KRCC1: variants seen among roughly 807,000 people sequenced by gnomAD.
KRCC1 encodes lysine rich coiled-coil 1, also known as lysine-rich coiled-coil protein 1.
In KRCC1, 3 loss-of-function variants were observed where a neutral mutation model predicts 7.4. That is an observed-to-expected ratio of 0.40 (90% CI 0.18 to 1.04). The LOEUF is 1.04. KRCC1 is among the 50% of genes least tolerant of loss of function. The pLI is 0.33. For missense variants in KRCC1, 277 were observed against 300.9 expected, an observed-to-expected ratio of 0.92 and a Z score of 0.59; for synonymous variants, 102 against 101.6, an observed-to-expected ratio of 1.00 and a Z score of -0.02.
At position 88,027,897 on chromosome 2, in the gene KRCC1, G is replaced by T. The variant is rs563199788; in HGVS notation, c.667C>A (p.Arg223=). ...KLKNRKEKKS[R]DVVSKKEERK... ...TCCTCTTTCTTAGAGACTACATCTCGGCTTTTTTTCTCCTTTCGATTCTTA... is the reference window on the plus strand; with the variant it reads ...TCCTCTTTCTTAGAGACTACATCTCTGCTTTTTTTCTCCTTTCGATTCTTA... The change falls in exon 4 of 4, where the codon CGA becomes AGA. Residue 223 remains arginine (R), a synonymous_variant. Coordinates refer to ENST00000347055, the MANE Select transcript of KRCC1 (RefSeq NM_016618.3). 6.2e-7 allele frequency: 1 copy of T among 1,613,576 alleles called. No homozygotes were observed. Among genetic ancestry groups the T allele is most frequent in the African/African-American group, 1.3e-5 (1 of 74,814 alleles).
chr2:88,034,009 G>A (rs1347763483), intron 3 of KRCC1, 125 bp downstream of exon 3: 1 of 152,600 alleles, frequency 6.6e-6, no homozygotes, highest in Non-Finnish European at 1.5e-5. Context: ...AAAAAGGAAT[G>A]AAGTACTGAT....
chr2:88,044,040 T>A (rs1315018537), intron 1 of KRCC1, among the ~76,000 whole-genome samples: 1 of 152,156 alleles, frequency 6.6e-6, no homozygotes, highest in Non-Finnish European at 1.5e-5. Context: ...CTATATCTTA[T>A]AGAAGAGGAA....
In KRCC1 at chr2:88,055,667, C is replaced by T. The variant is rs1673607056; in HGVS notation, c.-332G>A. 1 of 152,412 alleles carries T rather than the reference C, an allele frequency of 6.6e-6. No homozygotes were observed. Among genetic ancestry groups the T allele is most frequent in the Non-Finnish European group, 1.5e-5 (1 of 68,262 alleles). 9.4% of individuals were successfully genotyped at this position (152,412 alleles called of 1,614,324 possible). Reference sequence around the variant, plus strand: ...GCGGGCGTCTACAACTACTGTCCCCCGCCCCGCCAACGCCGCCAGCCAGGG... The same window carrying T: ...GCGGGCGTCTACAACTACTGTCCCCTGCCCCGCCAACGCCGCCAGCCAGGG... On this transcript the variant is annotated 5_prime_UTR_variant, in exon 1 of 4. Coordinates refer to ENST00000347055, the MANE Select transcript of KRCC1 (RefSeq NM_016618.3).
chr2:88,052,911 A>C (rs1573089009), intron 1 of KRCC1, among the ~76,000 whole-genome samples: 2 of 152,238 alleles, frequency 1.3e-5, no homozygotes, highest in African/African-American at 4.8e-5. Flanking sequence ...ATTTTAAAGA[A>C]GTAAAAAAAG....
At chr2:88,047,976 T>C (rs1035347064) in intron 1 of KRCC1, among the ~76,000 whole-genome samples, 1 of 152,210 alleles carries the variant, frequency 6.6e-6, no homozygotes, top group South Asian at 2.1e-4. Context: ...ATTACTGACA[T>C]GGTCCTAGAC....
intron 3 of KRCC1, among the ~76,000 whole-genome samples, chr2:88,032,058 C>T (rs1226678896): frequency 2.6e-5 from 4 of 151,998 alleles, no homozygotes. Flanking sequence ...AGGAGAATTG[C>T]TTGAACCTGG....
chr2:88,045,508 G>C lies in KRCC1; in HGVS notation c.-290-8457C>G, dbSNP rs74926842. On this transcript the variant is annotated intron_variant, in intron 1 of 3. Coordinates refer to ENST00000347055, the MANE Select transcript of KRCC1 (RefSeq NM_016618.3). ...ATGATTCTATTTATAAAAAGTTCTAGAAATGCAAACTAATCTCTAGTAATA... is the reference window on the plus strand; with the variant it reads ...ATGATTCTATTTATAAAAAGTTCTACAAATGCAAACTAATCTCTAGTAATA... 9.0e-3 allele frequency among the ~76,000 whole-genome samples: 1,363 copies of C among 152,230 alleles called. 27 individuals carry two copies. Among genetic ancestry groups the C allele is most frequent in the East Asian group, 0.085 (442 of 5,184 alleles).
At chr2:88,039,756 AC>A (rs1374873616) in intron 1 of KRCC1, among the ~76,000 whole-genome samples, 18 of 152,180 alleles carry the variant, frequency 1.2e-4, no homozygotes, top group Non-Finnish European at 2.4e-4. Flanking sequence ...GGACTTAATT[AC>A]ATTTGACTCT....
chr2:88,036,464 G>A (rs1012883275), intron 2 of KRCC1, among the ~76,000 whole-genome samples: 2 of 145,446 alleles, frequency 1.4e-5, no homozygotes, highest in African/African-American at 4.9e-5. Context: ...TATAAACTAA[G>A]GAAGTACAAT....
chr2:88,032,746 T>C (rs1013008593), intron 3 of KRCC1, among the ~76,000 whole-genome samples: 2 of 152,246 alleles, frequency 1.3e-5, no homozygotes, highest in Non-Finnish European at 2.9e-5. Context: ...ATCATATTGA[T>C]ACACATGACG....
intron 3 of KRCC1, among the ~76,000 whole-genome samples, chr2:88,030,247 T>G (rs1558830268): frequency 6.7e-6 from 1 of 148,758 alleles, no homozygotes; most frequent in Non-Finnish European, 1.5e-5. Flanking sequence ...GAAACAAGGC[T>G]TGTTTCTGCT....
chr2:88,027,985 C>T lies in KRCC1; in HGVS notation c.579G>A (p.Lys193=), dbSNP rs1487781284. 1.2e-6 allele frequency: 2 copies of T among 1,613,744 alleles called. No individual in the cohort carries two copies. The highest frequency in any genetic ancestry group is 1.7e-6 in the Non-Finnish European group (2 of 1,179,972). The change falls in exon 4 of 4, where the codon AAG becomes AAA. Residue 193 remains lysine (K), a synonymous_variant. Transcript: ENST00000347055. ...SCEEIDLDKH[K]SIQRKKTEVE... ...CCTCTGTTTTCTTTCTTTGGATGCT[C>T]TTGTGTTTGTCTAAGTCAATTTCCT...
At chr2:88,052,543 T>G (rs1673515548) in intron 1 of KRCC1, among the ~76,000 whole-genome samples, 1 of 106,022 alleles carries the variant, frequency 9.4e-6, no homozygotes, top group African/African-American at 2.8e-5. Flanking sequence ...CCATTATAGT[T>G]TAATTTCTTG....
chr2:88,055,327 C>G (rs374452424), intron 1 of KRCC1, among the ~76,000 whole-genome samples: 1 of 151,838 alleles, frequency 6.6e-6, no homozygotes, highest in Non-Finnish European at 1.5e-5. Flanking sequence ...CCTGACGCTC[C>G]GGGTCTAGAT....
At chr2:88,033,047 GGA>G (rs1365897214) in intron 3 of KRCC1, among the ~76,000 whole-genome samples, 1 of 152,190 alleles carries the variant, frequency 6.6e-6, no homozygotes, top group Non-Finnish European at 1.5e-5. Flanking sequence ...GGTTGCTTGG[GGA>G]GAGAGGTGGG....
chr2:88,037,055 T>C lies in KRCC1; in HGVS notation c.-290-4A>G, dbSNP rs1673105772. ...CTTTGTTCATTCAATGTGGTATCTA[T>C]CAATAAAAGAGAGGTAAGACAGAAG... On this transcript the variant is annotated splice_region_variant and splice_polypyrimidine_tract_variant and intron_variant, in intron 1 of 3. Coordinates refer to ENST00000347055, the MANE Select transcript of KRCC1 (RefSeq NM_016618.3). 6.6e-6 allele frequency: 1 copy of C among 152,184 alleles called. No homozygotes were observed. Among genetic ancestry groups the C allele is most frequent in the Admixed American group, 6.5e-5 (1 of 15,282 alleles). 9.4% of individuals were successfully genotyped at this position (152,184 alleles called of 1,614,324 possible).
intron 1 of KRCC1, among the ~76,000 whole-genome samples, chr2:88,052,467 G>T (rs1227409466): frequency 2.6e-5 from 4 of 152,176 alleles, no homozygotes; most frequent in African/African-American, 9.7e-5. Flanking sequence ...ATCTGCATTT[G>T]TGAAAGATAA....
intron 1 of KRCC1, among the ~76,000 whole-genome samples, chr2:88,038,378 G>A (rs1673137665): frequency 6.6e-6 from 1 of 152,314 alleles, no homozygotes; most frequent in Admixed American, 6.5e-5. Flanking sequence ...ATTAGCTGTA[G>A]TAAATAAACC....
At position 88,027,879 on chromosome 2, in the gene KRCC1, T is replaced by C; in HGVS notation, c.685A>G (p.Lys229Glu). Residue 229 changes from lysine (K) to glutamate (E), a missense_variant, in exon 4 of 4, where the codon AAA becomes GAA. Lys to Glu is a moderately conservative substitution (Grantham distance 56). Transcript: ENST00000347055. ...EKKSRDVVSKKEERKRTKKKK... is the reference protein window; with the variant it reads ...EKKSRDVVSKEEERKRTKKKK... ...TTTTTTGTACGCTTACGTTCCTCTT[T>C]CTTAGAGACTACATCTCGGCTTTTT... The C allele has an allele frequency of 6.2e-7, 1 of 1,614,020 alleles. No homozygotes were observed. Among genetic ancestry groups the C allele is most frequent in the Non-Finnish European group, 8.5e-7 (1 of 1,180,014 alleles).
Sources: allele counts gnomAD v4.1 joint callset (sites outside exome capture counted in the v4.1 genomes callset), GRCh38; gene constraint gnomAD v4.1.1; transcripts MANE v1.5; gene names NCBI Gene and HGNC (gene_info 2026-07-23, HGNC 2026-07-21).